PCDH9: variants seen among roughly 807,000 people sequenced by gnomAD.
The protein encoded by PCDH9 is protocadherin 9, also known as protocadherin-9.
PCDH9 carries 24 observed loss-of-function variants against 70.6 expected under a neutral mutation model. The ratio of observed to expected loss-of-function variants is 0.34; its 90% CI spans 0.25 to 0.48. The LOEUF (loss-of-function observed/expected upper bound fraction) is 0.48, where lower values mean the gene tolerates loss of function less well. Ranked by LOEUF, PCDH9 falls within the 20% of genes least tolerant of loss-of-function variation. The pLI is 0.99. For synonymous variants in PCDH9, 562 were observed against 558.5 expected, an observed-to-expected ratio of 1.01 and a Z score of -0.09; for missense variants, 1,281 against 1,503.6, an observed-to-expected ratio of 0.85 and a Z score of 2.45.
chr13:66,551,665 G>C (rs1961495514), intron 4 of PCDH9, among the ~76,000 whole-genome samples: 1 of 152,028 alleles, frequency 6.6e-6, no homozygotes, highest in African/African-American at 2.4e-5. Flanking sequence ...TGGTTAATTT[G>C]TTAACCAAAT....
chr13:66,559,830 A>T (rs1419738325), intron 4 of PCDH9, among the ~76,000 whole-genome samples: 1 of 129,250 alleles, frequency 7.7e-6, no homozygotes, highest in Non-Finnish European at 1.6e-5. Flanking sequence ...ATATATATAT[A>T]TATACACACA....
At chr13:67,214,599 A>G (rs2089546918) in intron 2 of PCDH9, 1 of 152,136 alleles carries the variant, frequency 6.6e-6, no homozygotes, top group South Asian at 2.1e-4. Context: ...AATACTCAAA[A>G]TGAAAGACGA....
At chr13:67,068,828 C>T (rs77352107) in intron 2 of PCDH9, among the ~76,000 whole-genome samples, 1,907 of 152,228 alleles carry the variant, frequency 0.013, 15 homozygotes, top group Non-Finnish European at 0.023. Flanking sequence ...CTAAAATTAT[C>T]CTGTTATGTG....
intron 4 of PCDH9, among the ~76,000 whole-genome samples, chr13:66,315,165 T>C (rs1280609392): frequency 6.6e-6 from 1 of 152,162 alleles, no homozygotes; most frequent in Non-Finnish European, 1.5e-5. Context: ...GTCTCTGTCC[T>C]ACAAACACAA....
intron 2 of PCDH9, among the ~76,000 whole-genome samples, chr13:67,172,394 A>G (rs1163191938): frequency 1.3e-5 from 2 of 152,160 alleles, no homozygotes; most frequent in Non-Finnish European, 2.9e-5. Context: ...AACTTAAATG[A>G]CTTCAGTGTA....
chr13:66,689,177 C>T (rs935190753), intron 3 of PCDH9, among the ~76,000 whole-genome samples: 1 of 151,966 alleles, frequency 6.6e-6, no homozygotes, highest in Non-Finnish European at 1.5e-5. Flanking sequence ...AAGATGAACC[C>T]CATTTCTCAG....
chr13:66,887,887 A>G (rs1236736564), intron 3 of PCDH9, among the ~76,000 whole-genome samples: 1 of 152,220 alleles, frequency 6.6e-6, no homozygotes, highest in Non-Finnish European at 1.5e-5. Context: ...TTACAAACCT[A>G]AAAGTCATAA....
intron 2 of PCDH9, among the ~76,000 whole-genome samples, chr13:66,960,052 C>T (rs969286330): frequency 1.3e-5 from 2 of 152,154 alleles, no homozygotes; most frequent in African/African-American, 4.8e-5. Flanking sequence ...GACAAAGTCT[C>T]AGAGAATTAT....
intron 2 of PCDH9, among the ~76,000 whole-genome samples, chr13:66,972,662 A>G (rs1479831421): frequency 6.6e-6 from 1 of 152,004 alleles, no homozygotes. Flanking sequence ...ATTGAGATCT[A>G]TGGCAGTTTC....
At chr13:66,730,874 G>GTTTTTTTTTTTTTTTT (rs1566154009) in intron 3 of PCDH9, among the ~76,000 whole-genome samples, 1 of 22,714 alleles carries the variant, frequency 4.4e-5, no homozygotes, top group African/African-American at 1.3e-4. Context: ...TTGTGTGTGT[G>GTTTTTTTTTTTTTTTT]TGTTTTTTTT....
intron 3 of PCDH9, among the ~76,000 whole-genome samples, chr13:66,826,186 G>C (rs1451017853): frequency 6.6e-6 from 1 of 152,106 alleles, no homozygotes; most frequent in Non-Finnish European, 1.5e-5. Context: ...GTCACTCCCT[G>C]TGCCTGTATC....
chr13:67,223,963 C>A (rs2089789702), intron 2 of PCDH9: 1 of 152,014 alleles, frequency 6.6e-6, no homozygotes, highest in African/African-American at 2.4e-5. Flanking sequence ...TATTTTATTA[C>A]CATGAAGCCT....
chr13:66,708,307 C>T (rs1038547545), intron 3 of PCDH9, among the ~76,000 whole-genome samples: 1 of 152,144 alleles, frequency 6.6e-6, no homozygotes, highest in East Asian at 1.9e-4. Flanking sequence ...CCTCGGCCTC[C>T]CAAAGTGCTG....
chr13:67,073,603 A>T (rs1040820362), intron 2 of PCDH9, among the ~76,000 whole-genome samples: 1 of 152,090 alleles, frequency 6.6e-6, no homozygotes, highest in African/African-American at 2.4e-5. Context: ...GTATTTTCTA[A>T]ATGTACATAG....
chr13:66,407,126 C>T (rs1003653646), intron 4 of PCDH9, among the ~76,000 whole-genome samples: 2 of 152,148 alleles, frequency 1.3e-5, no homozygotes, highest in Admixed American at 6.6e-5. Context: ...GGAGCAATGT[C>T]CTACTACTAA....
chr13:66,735,458 A>G (rs2139184964), intron 3 of PCDH9, among the ~76,000 whole-genome samples: 1 of 152,242 alleles, frequency 6.6e-6, no homozygotes, highest in African/African-American at 2.4e-5. Flanking sequence ...TGTATATATA[A>G]CCCTATATAT....
chr13:66,873,667 C>T (rs567630547), intron 3 of PCDH9, among the ~76,000 whole-genome samples: 1 of 152,186 alleles, frequency 6.6e-6, no homozygotes, highest in East Asian at 1.9e-4. Context: ...CATAGCTCCT[C>T]CCACACTCCC....
At chr13:67,067,520 T>C (rs965870353) in intron 2 of PCDH9, among the ~76,000 whole-genome samples, 4 of 152,062 alleles carry the variant, frequency 2.6e-5, no homozygotes, top group African/African-American at 9.7e-5. Flanking sequence ...CCCTATCGGA[T>C]AGCACATACT....
At chr13:66,753,763 A>T (rs2079496002) in intron 3 of PCDH9, among the ~76,000 whole-genome samples, 1 of 152,184 alleles carries the variant, frequency 6.6e-6, no homozygotes, top group Admixed American at 6.5e-5. Flanking sequence ...AAATCATTCT[A>T]AAGAAATGAT....
Sources: allele counts gnomAD v4.1 joint callset (sites outside exome capture counted in the v4.1 genomes callset), GRCh38; gene constraint gnomAD v4.1.1; transcripts MANE v1.5; gene names NCBI Gene and HGNC (gene_info 2026-07-23, HGNC 2026-07-21).